ZBTB20: variants seen among roughly 807,000 people sequenced by gnomAD.
ZBTB20 encodes the protein zinc finger and BTB domain containing 20, also known as zinc finger and BTB domain-containing protein 20.
In ZBTB20, 9 loss-of-function variants were observed where a neutral mutation model predicts 56.9. The observed-to-expected ratio is 0.16, with a 90% CI of 0.10 to 0.28. The LOEUF (loss-of-function observed/expected upper bound fraction) is 0.28, where lower values mean the gene tolerates loss of function less well. ZBTB20 is among the 10% of genes least tolerant of loss of function. The pLI is 1.00. For missense variants in ZBTB20, 655 were observed against 1,003.0 expected, an observed-to-expected ratio of 0.65 and a Z score of 4.69; for synonymous variants, 417 against 420.7, an observed-to-expected ratio of 0.99 and a Z score of 0.11.
chr3:114,650,137 CTAT>C (rs887678008), intron 6 of ZBTB20, among the ~76,000 whole-genome samples: 1 of 151,752 alleles, frequency 6.6e-6, no homozygotes, highest in Non-Finnish European at 1.5e-5. Flanking sequence ...CCAAATATCC[CTAT>C]TGTCTGCTTT....
chr3:114,985,864 G>T (rs1229980946), intron 2 of ZBTB20, among the ~76,000 whole-genome samples: 2 of 152,022 alleles, frequency 1.3e-5, no homozygotes, highest in African/African-American at 4.8e-5. Flanking sequence ...AAATATTTTA[G>T]CCTTTGCAGG....
At chr3:114,674,115 A>C (rs370098762) in intron 6 of ZBTB20, among the ~76,000 whole-genome samples, 6 of 152,164 alleles carry the variant, frequency 3.9e-5, no homozygotes, top group African/African-American at 1.2e-4. Context: ...TATTAGATTC[A>C]TGAAGATTCT....
At chr3:114,948,650 T>C (rs568168974) in intron 3 of ZBTB20, among the ~76,000 whole-genome samples, 1 of 145,730 alleles carries the variant, frequency 6.9e-6, no homozygotes, top group Admixed American at 6.6e-5. Flanking sequence ...GATAGATAGA[T>C]AGATAGATAT....
In ZBTB20 at chr3:114,322,733, T is replaced by G. The variant is rs2078937554; in HGVS notation, c.*16272A>C. ...AAAACAGAGATAATGCTTTGAGTGC[T>G]TAAGGAATTTCTTATGCTAGTTTGG... On this transcript the variant is annotated 3_prime_UTR_variant, in exon 12 of 12. Transcript: ENST00000675478. 6.6e-6 allele frequency: 1 copy of G among 152,232 alleles called. No individual in the cohort carries two copies. Among genetic ancestry groups the G allele is most frequent in the African/African-American group, 2.4e-5 (1 of 41,462 alleles). 9.4% of individuals were successfully genotyped at this position (152,232 alleles called of 1,614,324 possible). A position where few individuals can be genotyped will look rare whatever the true frequency, so the allele number is the denominator to read the frequency against.
chr3:114,716,986 G>A (rs1277721563), intron 5 of ZBTB20, among the ~76,000 whole-genome samples: 1 of 151,984 alleles, frequency 6.6e-6, no homozygotes, highest in Non-Finnish European at 1.5e-5. Flanking sequence ...AAAACAAAAG[G>A]CTACAGGGGA....
chr3:114,626,408 A>G (rs780390039), intron 6 of ZBTB20, among the ~76,000 whole-genome samples: 23 of 152,346 alleles, frequency 1.5e-4, no homozygotes, highest in Non-Finnish European at 2.8e-4. Context: ...TACCTGTCAC[A>G]TGGTGAACAT....
chr3:114,546,067 T>C (rs1162115156), intron 6 of ZBTB20, among the ~76,000 whole-genome samples: 1 of 152,194 alleles, frequency 6.6e-6, no homozygotes, highest in Non-Finnish European at 1.5e-5. Context: ...TTGATGGTCT[T>C]TCTCCCTTAC....
rs185023541 is a variant in ZBTB20, at chr3:115,125,225, C to T, written c.-703+21994G>A. 3.4e-3 allele frequency among the ~76,000 whole-genome samples: 518 copies of T among 151,998 alleles called. 2 individuals carry two copies. Among genetic ancestry groups the T allele is most frequent in the South Asian group, 0.013 (61 of 4,808 alleles). On this transcript the variant is annotated intron_variant, in intron 1 of 11. Coordinates refer to ENST00000675478, the MANE Select transcript of ZBTB20 (RefSeq NM_001348800.3). Reference sequence around the variant, plus strand: ...GAGCATGGTGGCATGCGCCTGTAGTCCCAGCTACGCAGGAGGTTGAGACAG... The same window carrying T: ...GAGCATGGTGGCATGCGCCTGTAGTTCCAGCTACGCAGGAGGTTGAGACAG...
intron 1 of ZBTB20, among the ~76,000 whole-genome samples, chr3:115,134,522 G>A (rs1463130245): frequency 2.0e-5 from 3 of 150,240 alleles, no homozygotes; most frequent in Non-Finnish European, 4.4e-5. Flanking sequence ...TTTTTTATAT[G>A]CTTGGATACA....
chr3:114,665,525 C>T (rs1387843823), intron 6 of ZBTB20, among the ~76,000 whole-genome samples: 2 of 151,842 alleles, frequency 1.3e-5, no homozygotes, highest in African/African-American at 4.8e-5. Flanking sequence ...CTCTTTCAGG[C>T]AAAAAGGCCT....
In ZBTB20 at chr3:114,665,403, A is replaced by G. The variant is rs1020293707; in HGVS notation, c.-295+28125T>C. Among the ~76,000 whole-genome samples the G allele has an allele frequency of 1.3e-5, 2 of 151,938 alleles. 1 individual carries two copies. The highest frequency in any genetic ancestry group is 4.1e-4 in the South Asian group (2 of 4,820). ...TAAGTACACTCTATGATGTTTCCAC[A>G]ATGATGAAATTGCCTAAGGATGCAT... is the stretch of plus-strand genomic sequence containing the variant. On this transcript the variant is annotated intron_variant, in intron 6 of 11. Coordinates refer to ENST00000675478, the MANE Select transcript of ZBTB20 (RefSeq NM_001348800.3).
intron 1 of ZBTB20, among the ~76,000 whole-genome samples, chr3:115,113,328 T>A (rs1454661689): frequency 6.6e-6 from 1 of 152,220 alleles, no homozygotes; most frequent in Non-Finnish European, 1.5e-5. Context: ...ATAGTTTGCA[T>A]ATAATTGATG....
At chr3:114,539,118 A>G (rs145639355) in intron 6 of ZBTB20, among the ~76,000 whole-genome samples, 2 of 152,138 alleles carry the variant, frequency 1.3e-5, no homozygotes, top group East Asian at 1.9e-4. Context: ...TCTTTAGTGT[A>G]TAAGTGTCCA....
At chr3:115,028,858 T>C (rs1048764913) in intron 2 of ZBTB20, among the ~76,000 whole-genome samples, 1 of 150,802 alleles carries the variant, frequency 6.6e-6, no homozygotes, top group Admixed American at 6.6e-5. Context: ...TATAAAATGG[T>C]TGACACTACA....
At chr3:114,610,608 A>G (rs1381948087) in intron 6 of ZBTB20, among the ~76,000 whole-genome samples, 1 of 152,196 alleles carries the variant, frequency 6.6e-6, no homozygotes, top group Non-Finnish European at 1.5e-5. Context: ...GTTGGCATTT[A>G]AGAGGTATTT....
At chr3:114,817,548 T>TAAAA (rs1449124935) in intron 4 of ZBTB20, among the ~76,000 whole-genome samples, 4 of 150,666 alleles carry the variant, frequency 2.7e-5, no homozygotes, top group Non-Finnish European at 5.9e-5. Context: ...AATAAATAAA[T>TAAAA]AAATAAATAA....
At chr3:114,811,834 A>G (rs1229916142) in intron 4 of ZBTB20, among the ~76,000 whole-genome samples, 1 of 124,538 alleles carries the variant, frequency 8.0e-6, no homozygotes, top group African/African-American at 3.0e-5. Context: ...ATGTGATGGA[A>G]CTCCGTCACC....
rs2079050995 is a variant in ZBTB20 at position 114,325,960 on chromosome 3, C to T, written c.*13045G>A. 6.6e-6 allele frequency: 1 copy of T among 152,032 alleles called. No homozygotes were observed. The highest frequency in any genetic ancestry group is 1.5e-5 in the Non-Finnish European group (1 of 68,024). 9.4% of individuals were successfully genotyped at this position (152,032 alleles called of 1,614,324 possible). On this transcript the variant is annotated 3_prime_UTR_variant, in exon 12 of 12. Transcript: ENST00000675478. ...GAAGTACTGGCAATGCAGTGCCAAT[C>T]TCCCTCTGTTACTGTTCCCTCTAGT...
intron 7 of ZBTB20, among the ~76,000 whole-genome samples, chr3:114,469,413 T>C (rs1038037517): frequency 1.3e-5 from 2 of 152,170 alleles, no homozygotes; most frequent in African/African-American, 4.8e-5. Context: ...CATGCTTTAA[T>C]GATATAAAAC....
Sources: gnomAD v4.1 joint callset for allele counts (sites outside exome capture counted in the v4.1 genomes callset) on GRCh38, gnomAD v4.1.1 for gene constraint, MANE v1.5 for transcripts, NCBI Gene and HGNC (gene_info 2026-07-23, HGNC 2026-07-21) for gene names.